Variants in GXYLT1 observed in about 807,000 individuals in gnomAD.
GXYLT1 encodes the protein glucoside xylosyltransferase 1.
Under a neutral mutation model 54.0 loss-of-function variants are expected in GXYLT1, and 29 were observed. That is an observed-to-expected ratio of 0.54 (90% CI 0.40 to 0.73). The LOEUF is 0.73. GXYLT1 is among the 30% of genes least tolerant of loss of function. GXYLT1 has a pLI of 0.00. For synonymous variants in GXYLT1, 176 were observed against 204.1 expected, an observed-to-expected ratio of 0.86 and a Z score of 1.17; for missense variants, 490 against 553.4, an observed-to-expected ratio of 0.89 and a Z score of 1.15.
intron 3 of GXYLT1, among the ~76,000 whole-genome samples, chr12:42,116,799 A>C (rs965184020): frequency 6.6e-6 from 1 of 152,210 alleles, no homozygotes; most frequent in African/African-American, 2.4e-5. Context: ...AAGGATTATA[A>C]ATCATGCTGC....
rs764220799 is a variant in GXYLT1, at chr12:42,119,209, GTA to G, written c.315-40_315-39del. On this transcript the variant is annotated intron_variant, in intron 2 of 7. Transcript: ENST00000398675. ...AAAACCACATTTTTCAACAGTTTTAGTATATGTTTACAATGTGTACTTTCATC... is the reference window on the plus strand; with the variant it reads ...AAAACCACATTTTTCAACAGTTTTAGTATGTTTACAATGTGTACTTTCATC... The G allele has an allele frequency of 8.1e-6, 12 of 1,478,450 alleles. No homozygotes were observed. The East Asian group carries it at 2.8e-4, about 35-fold the overall frequency. The allele number at this position is 1,478,450 out of a possible 1,614,324, so 91.6% of individuals were successfully genotyped here.
intron 1 of GXYLT1, among the ~76,000 whole-genome samples, chr12:42,132,154 C>T (rs1219860751): frequency 6.6e-6 from 1 of 152,088 alleles, no homozygotes; most frequent in African/African-American, 2.4e-5. Flanking sequence ...TGTTGTTTTC[C>T]AAACCTGCCT....
chr12:42,129,873 A>G (rs939184749), intron 1 of GXYLT1, 22 bp from the exon 2 acceptor site: 5 of 1,494,508 alleles, frequency 3.3e-6, no homozygotes, highest in Admixed American at 1.7e-5. Flanking sequence ...AGACAGAAAT[A>G]AGAGTCCTGT....
intron 1 of GXYLT1, among the ~76,000 whole-genome samples, chr12:42,140,297 A>G (rs2065644972): frequency 6.6e-6 from 1 of 151,770 alleles, no homozygotes. Context: ...ACATATCTAA[A>G]ACATAAATTC....
At chr12:42,134,342 T>C (rs1436054674) in intron 1 of GXYLT1, among the ~76,000 whole-genome samples, 7 of 152,182 alleles carry the variant, frequency 4.6e-5, no homozygotes, top group Non-Finnish European at 4.4e-5. Flanking sequence ...GACAGGGTCT[T>C]GCTCTGTCGC....
intron 1 of GXYLT1, among the ~76,000 whole-genome samples, chr12:42,134,383 C>G (rs996453208): frequency 5.9e-5 from 9 of 152,096 alleles, no homozygotes; most frequent in Non-Finnish European, 8.8e-5. Flanking sequence ...ACAAACACAG[C>G]TCACTACAGC....
chr12:42,121,639 C>A (rs1026266232), intron 2 of GXYLT1, among the ~76,000 whole-genome samples: 25 of 149,704 alleles, frequency 1.7e-4, no homozygotes, highest in Non-Finnish European at 1.5e-4. Context: ...TAATAATATA[C>A]CCAAATGTTT....
chr12:42,116,479 A>C (rs1428847043), intron 3 of GXYLT1, among the ~76,000 whole-genome samples: 2 of 152,264 alleles, frequency 1.3e-5, no homozygotes, highest in African/African-American at 4.8e-5. Context: ...ATATCAACAG[A>C]CACTTCTCAA....
intron 7 of GXYLT1, among the ~76,000 whole-genome samples, chr12:42,094,351 C>CA (rs11406709): frequency 0.27 from 20,404 of 74,504 alleles, 2,029 homozygotes; most frequent in South Asian, 0.34. Flanking sequence ...AACCCTGCCT[C>CA]AAAAAAAAAA....
Position 42,087,693 on chromosome 12 carries a change from A to G in GXYLT1, c.*93T>C. 1.1e-6 allele frequency: 1 copy of G among 872,526 alleles called. No individual in the cohort carries two copies. The highest frequency in any genetic ancestry group is 1.7e-6 in the Non-Finnish European group (1 of 586,162). 54.0% of individuals were successfully genotyped at this position (872,526 alleles called of 1,614,324 possible). On this transcript the variant is annotated 3_prime_UTR_variant, in exon 8 of 8. Coordinates refer to ENST00000398675, the MANE Select transcript of GXYLT1 (RefSeq NM_173601.2). The stretch of plus-strand genomic sequence containing the variant: ...AAAAAAAATTATTCTGGAGATGAGT[A>G]ATTCCTTCCTGAATACTTCATCCAA...
Position 42,087,823 on chromosome 12 carries a change from A to G in GXYLT1, c.1286T>C (p.Val429Ala). Residue 429 changes from valine (V) to alanine (A), a missense_variant, in exon 8 of 8, where the codon GTA becomes GCA. Coordinates refer to ENST00000398675, the MANE Select transcript of GXYLT1 (RefSeq NM_173601.2). ...TGGTGATCTGGCATAACGATCTCTT[A>G]CACTTTTTGCTAGTTGTTTGATAAA... ...KIFIKQLAKS[V>A]RDRYARSPKE... is the part of the protein sequence containing the mutation. The G allele has an allele frequency of 6.2e-7, 1 of 1,606,798 alleles. No individual in the cohort carries two copies. The highest frequency in any genetic ancestry group is 8.5e-7 in the Non-Finnish European group (1 of 1,177,400).
intron 1 of GXYLT1, among the ~76,000 whole-genome samples, chr12:42,142,432 G>A (rs1465660457): frequency 6.6e-6 from 1 of 151,918 alleles, no homozygotes; most frequent in East Asian, 1.9e-4. Flanking sequence ...GAACTCCTGG[G>A]CTCAAGTGAT....
At chr12:42,131,141 A>C (rs966806890) in intron 1 of GXYLT1, among the ~76,000 whole-genome samples, 1 of 152,064 alleles carries the variant, frequency 6.6e-6, no homozygotes, top group Non-Finnish European at 1.5e-5. Flanking sequence ...AAAAGAAAAC[A>C]CCTTACATTA....
intron 2 of GXYLT1, among the ~76,000 whole-genome samples, chr12:42,122,532 G>C (rs560298346): frequency 7.9e-5 from 12 of 152,312 alleles, no homozygotes; most frequent in African/African-American, 2.2e-4. Flanking sequence ...AGAGGTTACA[G>C]TGAGCTGGAA....
chr12:42,107,605 C>T (rs1439678505), intron 4 of GXYLT1, among the ~76,000 whole-genome samples: 6 of 151,968 alleles, frequency 3.9e-5, no homozygotes, highest in Non-Finnish European at 5.9e-5. Context: ...GCAGGAGAAC[C>T]GCTTTAGCCT....
At chr12:42,102,389 C>G (rs79142147) in intron 5 of GXYLT1, among the ~76,000 whole-genome samples, 1 of 152,142 alleles carries the variant, frequency 6.6e-6, no homozygotes, top group Non-Finnish European at 1.5e-5. Flanking sequence ...TATGTAAAAG[C>G]ATTGTATCTA....
intron 1 of GXYLT1, among the ~76,000 whole-genome samples, chr12:42,135,161 G>A (rs2065612544): frequency 6.6e-6 from 1 of 152,170 alleles, no homozygotes; most frequent in Admixed American, 6.5e-5. Flanking sequence ...AGCTTCAAAT[G>A]GGACTGTGTT....
chr12:42,106,152 A>C, intron 4 of GXYLT1, 83 bp from the exon 5 acceptor site: 1 of 886,828 alleles, frequency 1.1e-6, no homozygotes, highest in South Asian at 1.7e-5. Context: ...TGTAAGATAC[A>C]CCTAAGAGAT....
chr12:42,115,343 T>C lies in GXYLT1; in HGVS notation c.486+3657A>G, dbSNP rs183970209. Among the ~76,000 whole-genome samples the C allele has an allele frequency of 9.9e-3, 1,503 of 152,158 alleles. 47 individuals carry two copies. Among genetic ancestry groups the C allele is most frequent in the East Asian group, 0.09 (465 of 5,160 alleles). ...TTAGGAAAAGAGGAAGTCAAATTGT[T>C]CCTGTTTGCAGATGACATGATTGTA... On this transcript the variant is annotated intron_variant, in intron 3 of 7. Transcript: ENST00000398675.
Sources: gnomAD v4.1 joint callset for allele counts (sites outside exome capture counted in the v4.1 genomes callset) on GRCh38, gnomAD v4.1.1 for gene constraint, MANE v1.5 for transcripts, NCBI Gene and HGNC (gene_info 2026-07-23, HGNC 2026-07-21) for gene names.